SAMD12: variants seen among roughly 807,000 people sequenced by gnomAD.
SAMD12 encodes sterile alpha motif domain-containing protein 12.
SAMD12 carries 9 observed loss-of-function variants against 15.0 expected under a neutral mutation model. The observed-to-expected ratio is 0.60, with a 90% CI of 0.36 to 1.05. The LOEUF (loss-of-function observed/expected upper bound fraction) is 1.05. Ranked by LOEUF, SAMD12 falls within the 50% of genes least tolerant of loss-of-function variation. The pLI, the probability that SAMD12 is intolerant of heterozygous loss-of-function variation, is 0.01. For missense variants in SAMD12, 230 were observed against 234.2 expected (o/e 0.98, Z 0.12); for synonymous variants, 86 against 90.1 (o/e 0.96, Z 0.25).
chr8:118,543,177 C>T lies in SAMD12; in HGVS notation c.192+37538G>A, dbSNP rs573103402. ...GACCCTTGAAAGGTCTGTTCCACGC[C>T]CAGGGTCCTGCAGACTTGCTGACTC... is the stretch of plus-strand genomic sequence containing the variant. On this transcript the variant is annotated intron_variant, in intron 2 of 3. Transcript: ENST00000314727. Among the ~76,000 whole-genome samples the T allele has an allele frequency of 3.1e-3, 478 of 152,226 alleles. 3 individuals are homozygous for T. Among genetic ancestry groups the T allele is most frequent in the African/African-American group, 0.011 (458 of 41,538 alleles).
chr8:118,392,083 C>T (rs535495081), intron 3 of SAMD12, among the ~76,000 whole-genome samples: 16 of 152,298 alleles, frequency 1.1e-4, no homozygotes, highest in South Asian at 1.0e-3. Context: ...TAATATGACA[C>T]CCTCTCTCCC....
rs189298005 is a variant in SAMD12 at position 118,360,126 on chromosome 8, A to G, written c.433+19434T>C. Among the ~76,000 whole-genome samples, 31 of 152,324 alleles carry G rather than the reference A, an allele frequency of 2.0e-4. No individual in the cohort carries two copies. In the East Asian group the frequency reaches 5.8e-3, roughly 28 times the overall value. On this transcript the variant is annotated intron_variant, in intron 4 of 4. Coordinates refer to the SAMD12 transcript ENST00000409003. ...TATCAATACACAAAGAAGTCCACTG[A>G]TAAAGAGGGACTTCTTCAACTCTTT...
intron 2 of SAMD12, among the ~76,000 whole-genome samples, chr8:118,502,033 A>G (rs1824799246): frequency 6.6e-6 from 1 of 151,992 alleles, no homozygotes; most frequent in Admixed American, 6.6e-5. Flanking sequence ...AAAAAAAAAA[A>G]AAAAAAAGAT....
chr8:118,521,181 T>C lies in SAMD12; in HGVS notation c.192+59534A>G, dbSNP rs146547765. Among the ~76,000 whole-genome samples, 492 of 152,328 alleles carry C rather than the reference T, an allele frequency of 3.2e-3. 3 individuals carry two copies. The highest frequency in any genetic ancestry group is 0.011 in the African/African-American group (469 of 41,574). The stretch of plus-strand genomic sequence containing the variant: ...CCCTCTCTCCGTTCTATTTGTTGCA[T>C]TGACCAATTCTTCACACATTTCTAA... On this transcript the variant is annotated intron_variant, in intron 2 of 3. Coordinates refer to ENST00000314727, the MANE Select transcript of SAMD12 (RefSeq NM_207506.3).
At chr8:118,194,641 A>AAATAT (rs1819503585) in exon 5 of SAMD12, 1 of 152,232 alleles carries the variant, frequency 6.6e-6, no homozygotes, top group African/African-American at 2.4e-5. Flanking sequence ...AACAGTTTAC[A>AAATAT]GTCCTTAGAC....
chr8:118,340,929 C>T (rs1195485518), intron 4 of SAMD12, among the ~76,000 whole-genome samples: 1 of 152,182 alleles, frequency 6.6e-6, no homozygotes, highest in African/African-American at 2.4e-5. Flanking sequence ...ACTGGAAAGG[C>T]ATTCTCTTGT....
chr8:118,599,186 G>A (rs560160103), intron 1 of SAMD12, among the ~76,000 whole-genome samples: 1 of 152,174 alleles, frequency 6.6e-6, no homozygotes, highest in African/African-American at 2.4e-5. Context: ...AATGGATGGC[G>A]TGTACTTTGT....
chr8:118,583,715 C>T (rs1238334945), intron 1 of SAMD12, among the ~76,000 whole-genome samples: 1 of 152,210 alleles, frequency 6.6e-6, no homozygotes, highest in African/African-American at 2.4e-5. Flanking sequence ...CTATTCACCT[C>T]ATGTCAGCTC....
intron 3 of SAMD12, among the ~76,000 whole-genome samples, chr8:118,401,060 T>C (rs1003190785): frequency 4.6e-5 from 7 of 152,252 alleles, no homozygotes; most frequent in African/African-American, 1.7e-4. Context: ...AATGATGTTA[T>C]AGAATTGTTA....
intron 2 of SAMD12, among the ~76,000 whole-genome samples, chr8:118,507,991 C>CT (rs11384671): frequency 0.5 from 53,590 of 108,096 alleles, 14,481 homozygotes; most frequent in African/African-American, 0.6. Flanking sequence ...GTATAATCTC[C>CT]TTTTTTTTTT....
At chr8:118,406,190 T>A (rs1397038100) in intron 3 of SAMD12, among the ~76,000 whole-genome samples, 1 of 151,958 alleles carries the variant, frequency 6.6e-6, no homozygotes, top group Non-Finnish European at 1.5e-5. Flanking sequence ...GGAAATTAGA[T>A]TCAAACAAAC....
chr8:118,299,310 A>G (rs1814892755), intron 4 of SAMD12, among the ~76,000 whole-genome samples: 1 of 152,184 alleles, frequency 6.6e-6, no homozygotes, highest in Non-Finnish European at 1.5e-5. Flanking sequence ...ACATTTAGGC[A>G]GGGTTCAGAG....
intron 2 of SAMD12, among the ~76,000 whole-genome samples, chr8:118,486,745 G>C (rs984466671): frequency 2.0e-5 from 3 of 152,142 alleles, no homozygotes; most frequent in African/African-American, 7.2e-5. Flanking sequence ...ACCGTAGGCA[G>C]TATTGACTAA....
At chr8:118,217,632 A>G (rs1191124714) in intron 4 of SAMD12, among the ~76,000 whole-genome samples, 1 of 151,838 alleles carries the variant, frequency 6.6e-6, no homozygotes, top group African/African-American at 2.4e-5. Flanking sequence ...GAGAGGGTGG[A>G]ATTTGAATCA....
chr8:118,163,575 G>A, the SAMD12 span, among the ~76,000 whole-genome samples: 1 of 152,132 alleles, frequency 6.6e-6, no homozygotes, highest in Admixed American at 6.5e-5. Flanking sequence ...TGAGGTTAGA[G>A]CAAAACCTGG....
intron 1 of SAMD12, among the ~76,000 whole-genome samples, chr8:118,612,544 T>C (rs182609937): frequency 1.6e-3 from 244 of 152,298 alleles, no homozygotes; most frequent in African/African-American, 5.7e-3. Context: ...CATAGCCCCA[T>C]TAATCTAACT....
Position 118,515,063 on chromosome 8 carries a change from G to C in SAMD12, c.192+65652C>G, listed in dbSNP as rs552237459. 2.0e-5 allele frequency among the ~76,000 whole-genome samples: 3 copies of C among 152,178 alleles called. No homozygotes were observed. In the East Asian group the frequency reaches 5.8e-4, roughly 29 times the overall value. ...AGACGGAGTCTCACTCTGTCGCCCA[G>C]GCTGCAGTGCGGTGGCGTGATCTCG... On this transcript the variant is annotated intron_variant, in intron 2 of 3. Coordinates refer to ENST00000314727, the MANE Select transcript of SAMD12 (RefSeq NM_207506.3).
At chr8:118,141,336 C>T in the SAMD12 span, among the ~76,000 whole-genome samples, 1 of 152,172 alleles carries the variant, frequency 6.6e-6, no homozygotes, top group Non-Finnish European at 1.5e-5. Flanking sequence ...ATGTGCTTCA[C>T]ATTTACAAAG....
At chr8:118,570,218 T>A in intron 2 of SAMD12, among the ~76,000 whole-genome samples, 1 of 147,112 alleles carries the variant, frequency 6.8e-6, no homozygotes, top group East Asian at 1.9e-4. Context: ...TCAGAGACTT[T>A]AACTTTTAAG....
Sources: allele counts gnomAD v4.1 joint callset (sites outside exome capture counted in the v4.1 genomes callset), GRCh38; gene constraint gnomAD v4.1.1; transcripts MANE v1.5; gene names NCBI Gene and HGNC (gene_info 2026-07-23, HGNC 2026-07-21).